IL1RAPL2: variants seen among roughly 807,000 people sequenced by gnomAD.
The protein encoded by IL1RAPL2 is X-linked interleukin-1 receptor accessory protein-like 2.
Under a neutral mutation model 44.1 loss-of-function variants are expected in IL1RAPL2, and 3 were observed. The ratio of observed to expected loss-of-function variants is 0.07; its 90% CI spans 0.03 to 0.18. IL1RAPL2 has a LOEUF of 0.18. Ranked by LOEUF, IL1RAPL2 falls within the 10% of genes least tolerant of loss-of-function variation. IL1RAPL2 has a pLI of 1.00. For synonymous variants in IL1RAPL2, 181 were observed against 178.8 expected (o/e 1.01, Z -0.10); for missense variants, 391 against 496.4 (o/e 0.79, Z 2.02).
chrX:104,907,805 G>A (rs1204217426), intron 2 of IL1RAPL2, among the ~76,000 whole-genome samples: 2 of 111,009 alleles, frequency 1.8e-5, no homozygotes, highest in Non-Finnish European at 3.8e-5. Context: ...GAGTTCTGTA[G>A]ATTTCTGTTA....
At chrX:104,628,590 G>T (rs1032706520) in intron 1 of IL1RAPL2, among the ~76,000 whole-genome samples, 2 of 111,870 alleles carry the variant, frequency 1.8e-5, no homozygotes, top group African/African-American at 6.5e-5. Context: ...GAATAAAGCT[G>T]CAATAAATAT....
At chrX:105,499,833 A>C (rs2036380419) in intron 6 of IL1RAPL2, among the ~76,000 whole-genome samples, 1 of 112,142 alleles carries the variant, frequency 8.9e-6, no homozygotes, top group African/African-American at 3.2e-5. Context: ...CCTCAATGGG[A>C]AACAGTATGG....
intron 5 of IL1RAPL2, among the ~76,000 whole-genome samples, chrX:105,429,047 A>C (rs759869752): frequency 2.8e-4 from 31 of 111,748 alleles, no homozygotes; most frequent in Non-Finnish European, 5.1e-4. Context: ...AACGTTACTG[A>C]AGAAAGCTTT....
At chrX:104,632,846 T>C (rs763362728) in intron 1 of IL1RAPL2, among the ~76,000 whole-genome samples, 40 of 110,298 alleles carry the variant, frequency 3.6e-4, no homozygotes, top group Non-Finnish European at 6.4e-4. Context: ...TTCTCCTGCC[T>C]GATTGCCCTG....
intron 4 of IL1RAPL2, among the ~76,000 whole-genome samples, chrX:105,250,938 T>A (rs970849590): frequency 9.0e-6 from 1 of 110,941 alleles, no homozygotes; most frequent in African/African-American, 3.3e-5. Flanking sequence ...GAATGTAGAA[T>A]ATAATAAAGG....
chrX:104,813,538 C>T (rs1921053250), intron 2 of IL1RAPL2, among the ~76,000 whole-genome samples: 1 of 111,422 alleles, frequency 9.0e-6, no homozygotes. Flanking sequence ...TCATTCATTC[C>T]AACAAGCTTA....
At chrX:105,031,991 G>C (rs145288206) in intron 2 of IL1RAPL2, among the ~76,000 whole-genome samples, 93 of 110,871 alleles carry the variant, frequency 8.4e-4, no homozygotes, top group African/African-American at 2.9e-3. Flanking sequence ...CCATTTCTTC[G>C]AGATTTTCTA....
intron 1 of IL1RAPL2, among the ~76,000 whole-genome samples, chrX:104,594,366 C>T (rs1324124585): frequency 1.8e-5 from 2 of 111,762 alleles, no homozygotes; most frequent in African/African-American, 6.5e-5. Flanking sequence ...AATAGTTAAT[C>T]AGTGTGTCTT....
chrX:105,713,205 C>G (rs1052812735), intron 6 of IL1RAPL2, among the ~76,000 whole-genome samples: 5 of 111,689 alleles, frequency 4.5e-5, no homozygotes, highest in African/African-American at 1.3e-4. Flanking sequence ...TCTCACAGAT[C>G]CGCTAGGTAG....
chrX:104,733,491 G>A (rs1317955673), intron 2 of IL1RAPL2, among the ~76,000 whole-genome samples: 1 of 109,338 alleles, frequency 9.1e-6, no homozygotes, highest in African/African-American at 3.3e-5. Flanking sequence ...GTAGTGGCAT[G>A]CACCTGTAAT....
At chrX:105,207,312 A>G (rs1196121501) in intron 3 of IL1RAPL2, among the ~76,000 whole-genome samples, 1 of 111,694 alleles carries the variant, frequency 9.0e-6, no homozygotes, top group Admixed American at 9.6e-5. Flanking sequence ...ACAAATCACA[A>G]TCAAACAAGC....
At chrX:105,291,345 G>A (rs1024430108) in intron 5 of IL1RAPL2, among the ~76,000 whole-genome samples, 2 of 111,631 alleles carry the variant, frequency 1.8e-5, no homozygotes, top group African/African-American at 6.5e-5. Context: ...TGTGAAATTT[G>A]TGTTTCACAA....
intron 2 of IL1RAPL2, among the ~76,000 whole-genome samples, chrX:104,978,006 C>A (rs753538489): frequency 1.1e-4 from 12 of 111,145 alleles, no homozygotes; most frequent in Non-Finnish European, 1.9e-4. Flanking sequence ...ATGGAGAGAT[C>A]CTTTCACTTT....
intron 5 of IL1RAPL2, among the ~76,000 whole-genome samples, chrX:105,453,677 C>T (rs954415128): frequency 3.0e-4 from 33 of 111,764 alleles, no homozygotes; most frequent in African/African-American, 1.0e-3. Flanking sequence ...ATCTTACATT[C>T]TCCCAATTCC....
intron 6 of IL1RAPL2, among the ~76,000 whole-genome samples, chrX:105,668,543 A>G (rs771649960): frequency 2.0e-4 from 23 of 112,823 alleles, no homozygotes; most frequent in Admixed American, 1.9e-3. Context: ...GTGTAGTGAG[A>G]AGAATTAAAT....
intron 2 of IL1RAPL2, among the ~76,000 whole-genome samples, chrX:105,146,067 C>T (rs2033177239): frequency 9.0e-6 from 1 of 111,530 alleles, no homozygotes; most frequent in African/African-American, 3.3e-5. Flanking sequence ...CCTCACCAGA[C>T]ACAAAATCTG....
chrX:104,846,832 A>G (rs777681447), intron 2 of IL1RAPL2, among the ~76,000 whole-genome samples: 1 of 111,568 alleles, frequency 9.0e-6, no homozygotes, highest in Non-Finnish European at 1.9e-5. Context: ...AAGTGTTCCT[A>G]TTTCTCCACA....
At chrX:105,161,189 A>G (rs2033320522) in intron 2 of IL1RAPL2, among the ~76,000 whole-genome samples, 1 of 107,665 alleles carries the variant, frequency 9.3e-6, no homozygotes, top group South Asian at 4.1e-4. Flanking sequence ...CTGCACTCCA[A>G]CTTGGGCAAC....
intron 6 of IL1RAPL2, among the ~76,000 whole-genome samples, chrX:105,656,995 C>T (rs1248906080): frequency 9.0e-6 from 1 of 111,270 alleles, no homozygotes; most frequent in East Asian, 2.8e-4. Flanking sequence ...TTTACCTTTG[C>T]AAATAGAGTC....
Sources: gnomAD v4.1 joint callset for allele counts (sites outside exome capture counted in the v4.1 genomes callset) on GRCh38, gnomAD v4.1.1 for gene constraint, MANE v1.5 for transcripts, NCBI Gene and HGNC (gene_info 2026-07-23, HGNC 2026-07-21) for gene names.